KMT2C: variants seen among roughly 807,000 people sequenced by gnomAD.
The protein encoded by KMT2C is histone-lysine N-methyltransferase 2C.
In KMT2C, 88 loss-of-function variants were observed where a neutral mutation model predicts 507.9. That is an observed-to-expected ratio of 0.17 (90% confidence interval 0.15 to 0.21). The LOEUF is 0.21. Ranked by LOEUF, KMT2C falls within the 10% of genes least tolerant of loss-of-function variation. The pLI, the probability that KMT2C is intolerant of heterozygous loss-of-function variation, is 1.00. For missense variants in KMT2C, 4,954 were observed against 5,957.8 expected (o/e 0.83, Z 5.55); for synonymous variants, 2,049 against 2,080.8 (o/e 0.98, Z 0.42).
chr7:152,233,697 T>C (rs1469418837), intron 16 of KMT2C, among the ~76,000 whole-genome samples: 3 of 152,162 alleles, frequency 2.0e-5, no homozygotes, highest in South Asian at 2.1e-4. Flanking sequence ...ATTCTACAGG[T>C]ATTAAAATAA....
intron 2 of KMT2C, among the ~76,000 whole-genome samples, chr7:152,331,642 A>ATTT (rs34778581): frequency 2.0e-4 from 20 of 99,314 alleles, no homozygotes; most frequent in South Asian, 6.4e-4. Flanking sequence ...CAACAAAAAG[A>ATTT]TTTTTTTTTT....
In KMT2C at chr7:152,167,265, C is replaced by A. The variant is rs2129106601; in HGVS notation, c.9631G>T (p.Ala3211Ser). The A allele has an allele frequency of 6.2e-7, 1 of 1,613,976 alleles. No homozygotes were observed. The highest frequency in any genetic ancestry group is 8.5e-7 in the Non-Finnish European group (1 of 1,179,962). The change falls in exon 42 of 59, where the codon GCC becomes TCC. Residue 3211 changes from alanine (A) to serine (S), a missense_variant. This residue lies in a region of KMT2C where 71 missense variants were observed against 139.2 expected (regional missense o/e 0.51). Transcript: ENST00000262189. ...GCAGTACGTTGTTTAGCTGAAAGGG[C>A]CTTCTTAGATTTTCTGTGAGCACCA... Reference protein sequence around the residue: ...QIGAHRKSKKALSAKQRTAKK... With the variant: ...QIGAHRKSKKSLSAKQRTAKK...
chr7:152,398,680 G>A (rs781005573), intron 1 of KMT2C, among the ~76,000 whole-genome samples: 2 of 151,824 alleles, frequency 1.3e-5, no homozygotes, highest in African/African-American at 2.4e-5. Context: ...GATTATAAGC[G>A]TGAGCCCCCT....
intron 33 of KMT2C, among the ~76,000 whole-genome samples, chr7:152,186,234 T>G (rs1435829493): frequency 1.3e-5 from 2 of 152,172 alleles, no homozygotes; most frequent in Admixed American, 6.5e-5. Context: ...AAAAATCAGT[T>G]CACAGACCAA....
chr7:152,139,013 C>T, intron 57 of KMT2C, 109 bp from the exon 58 acceptor site: 2 of 1,031,272 alleles, frequency 1.9e-6, no homozygotes, highest in South Asian at 1.3e-5. Context: ...TCTATTTGCC[C>T]ATTGTTAGAA....
At chr7:152,359,905 C>T (rs1370263756) in intron 1 of KMT2C, among the ~76,000 whole-genome samples, 3 of 149,944 alleles carry the variant, frequency 2.0e-5, no homozygotes, top group Non-Finnish European at 3.0e-5. Flanking sequence ...AAAAATTAGC[C>T]AGGTGTTGTG....
At chr7:152,409,722 C>A (rs943467900) in intron 1 of KMT2C, among the ~76,000 whole-genome samples, 1 of 151,812 alleles carries the variant, frequency 6.6e-6, no homozygotes. Context: ...CAGAGCAAGA[C>A]TCCGTCTCAA....
chr7:152,374,478 T>G (rs1226971802), intron 1 of KMT2C, among the ~76,000 whole-genome samples: 1 of 152,086 alleles, frequency 6.6e-6, no homozygotes, highest in Non-Finnish European at 1.5e-5. Flanking sequence ...ACATGAGATA[T>G]TCAACTAAAC....
rs2091314936 is a variant in KMT2C, at chr7:152,148,043, G to A, written c.13884C>T (p.Ile4628=). Reference sequence around the variant, plus strand: ...AACGGCAGACGTTACCTTTAGGTGAGATGTCACTTAGAACCAGGTCTTCAT... The same window carrying A: ...AACGGCAGACGTTACCTTTAGGTGAAATGTCACTTAGAACCAGGTCTTCAT... ...QGHEDLVLSD[I]SPKGVWDKIL... The change falls in exon 52 of 59, where the codon ATC becomes ATT. Residue 4628 remains isoleucine (I), a synonymous_variant. Coordinates refer to ENST00000262189, the MANE Select transcript of KMT2C (RefSeq NM_170606.3). The surrounding 1 kb of genome is among the most constrained non-coding windows in gnomAD (Gnocchi z 7.1). 2 of 1,582,422 alleles carry A rather than the reference G, an allele frequency of 1.3e-6. No individual in the cohort carries two copies. Among genetic ancestry groups the A allele is most frequent in the Non-Finnish European group, 1.7e-6 (2 of 1,159,040 alleles).
intron 25 of KMT2C, among the ~76,000 whole-genome samples, chr7:152,204,121 C>T (rs35975921): frequency 0.04 from 6,082 of 151,328 alleles, 200 homozygotes; most frequent in East Asian, 0.17. Flanking sequence ...TCCTGCTCAC[C>T]ACCAATAGCA....
intron 53 of KMT2C, among the ~76,000 whole-genome samples, chr7:152,145,686 C>T (rs1194738533): frequency 6.6e-6 from 1 of 152,220 alleles, no homozygotes; most frequent in African/African-American, 2.4e-5. Context: ...ACTTTTATAT[C>T]TCTGTCTGGA....
At position 152,339,990 on chromosome 7, in the gene KMT2C, T is replaced by C. The variant is rs933643454; in HGVS notation, c.251-9251A>G. 2.1e-5 allele frequency among the ~76,000 whole-genome samples: 3 copies of C among 145,818 alleles called. No homozygotes were observed. The East Asian group carries it at 5.9e-4, about 29-fold the overall frequency. The stretch of plus-strand genomic sequence containing the variant: ...CTTCTCCCTCTATGCTTTAATCAAC[T>C]TTTTTTTTTAAGAGATGGGCTCATG... On this transcript the variant is annotated intron_variant, in intron 2 of 58. Coordinates refer to ENST00000262189, the MANE Select transcript of KMT2C (RefSeq NM_170606.3).
In KMT2C at chr7:152,255,109, T is replaced by TATATATATATATATATATATA. The variant is rs1588626891; in HGVS notation, c.1300-2395_1300-2394insTATATATATATATATATATAT. 4.5e-4 allele frequency among the ~76,000 whole-genome samples: 35 copies of TATATATATATATATATATATA among 78,348 alleles called. 3 individuals carry two copies. Among genetic ancestry groups the TATATATATATATATATATATA allele is most frequent in the Admixed American group, 8.4e-4 (6 of 7,126 alleles). 51.4% of individuals were successfully genotyped at this position (78,348 alleles called of 152,430 possible). A position where few individuals can be genotyped will look rare whatever the true frequency, so the allele number is the denominator to read the frequency against. On this transcript the variant is annotated intron_variant, in intron 9 of 58. Transcript: ENST00000262189. ...AATCAAGATGTCAATCAACTCTCAC[T>TATATATATATATATATATATA]TATATATATATATATATATATATAT...
chr7:152,328,017 AG>A (rs1299421415), intron 3 of KMT2C, among the ~76,000 whole-genome samples: 21 of 152,174 alleles, frequency 1.4e-4, no homozygotes, highest in African/African-American at 4.6e-4. Flanking sequence ...AATCTCCGTC[AG>A]GAACTATTAA....
chr7:152,302,351 G>A (rs1463553199), intron 6 of KMT2C, among the ~76,000 whole-genome samples: 4 of 152,030 alleles, frequency 2.6e-5, no homozygotes, highest in African/African-American at 9.7e-5. Context: ...AGCCTCTCGA[G>A]TAGCTGGGAT....
intron 10 of KMT2C, 61 bp from the exon 11 acceptor site, chr7:152,252,151 A>C: frequency 1.6e-6 from 2 of 1,226,980 alleles, no homozygotes; most frequent in Admixed American, 2.2e-5. Context: ...CTAGGTAAAG[A>C]GAAGGCATTG....
intron 2 of KMT2C, among the ~76,000 whole-genome samples, chr7:152,333,030 A>G (rs910887562): frequency 1.7e-4 from 26 of 152,266 alleles, no homozygotes; most frequent in African/African-American, 6.3e-4. Context: ...ATGATCTTCT[A>G]TCTTTTATAA....
At chr7:152,433,452 T>C (rs533849531) in intron 1 of KMT2C, among the ~76,000 whole-genome samples, 1 of 152,338 alleles carries the variant, frequency 6.6e-6, no homozygotes, top group South Asian at 2.1e-4. Context: ...ATTCATATGT[T>C]AGTTTCCATT....
chr7:152,294,600 C>G (rs2129188244), intron 6 of KMT2C, among the ~76,000 whole-genome samples: 1 of 152,034 alleles, frequency 6.6e-6, no homozygotes, highest in African/African-American at 2.4e-5. Context: ...CCACTGCACT[C>G]CAGCATGAGC....
Sources: gnomAD v4.1 joint callset for allele counts (sites outside exome capture counted in the v4.1 genomes callset) on GRCh38, gnomAD v4.1.1 for gene constraint, gnomAD v4.1.1 regional missense constraint, Gnocchi (gnomAD v3.1) non-coding constraint, MANE v1.5 for transcripts, NCBI Gene and HGNC (gene_info 2026-07-23, HGNC 2026-07-21) for gene names.